PACRG: variants seen among roughly 807,000 people sequenced by gnomAD.
PACRG encodes the protein parkin coregulated, also known as parkin coregulated gene protein.
In PACRG, 29 loss-of-function variants were observed where a neutral mutation model predicts 29.7. That is an observed-to-expected ratio of 0.98 (90% confidence interval 0.73 to 1.33). PACRG has a LOEUF of 1.33. Ranked by LOEUF, PACRG falls within the 40% of genes most tolerant of loss-of-function variation. The pLI, the probability that PACRG is intolerant of heterozygous loss-of-function variation, is 0.00. For synonymous variants in PACRG, 116 were observed against 118.7 expected (o/e 0.98, Z 0.15); for missense variants, 279 against 316.2 (o/e 0.88, Z 0.89).
intron 2 of PACRG, among the ~76,000 whole-genome samples, chr6:163,006,119 A>T (rs906397839): frequency 1.4e-5 from 2 of 142,956 alleles, no homozygotes; most frequent in Non-Finnish European, 3.0e-5. Flanking sequence ...ATAGAAACAA[A>T]ACCCATATAT....
chr6:162,755,923 A>G (rs1165341784), intron 1 of PACRG, among the ~76,000 whole-genome samples: 1 of 151,782 alleles, frequency 6.6e-6, no homozygotes, highest in African/African-American at 2.4e-5. Context: ...TTCAAGGAGC[A>G]TATTGTTTAA....
intron 2 of PACRG, among the ~76,000 whole-genome samples, chr6:162,932,384 A>G (rs1437640794): frequency 6.6e-6 from 1 of 151,986 alleles, no homozygotes; most frequent in Non-Finnish European, 1.5e-5. Context: ...TTAATAGTAC[A>G]TTTTTCAATA....
chr6:162,959,037 C>T (rs974861828), intron 2 of PACRG, among the ~76,000 whole-genome samples: 23 of 150,332 alleles, frequency 1.5e-4, no homozygotes, highest in African/African-American at 2.5e-4. Context: ...CCTCAGCCTC[C>T]GGAGTAGCTG....
rs1184400981 is a variant in PACRG at position 162,947,494 on chromosome 6, C to A, written c.292-114656C>A. 9.7e-5 allele frequency among the ~76,000 whole-genome samples: 11 copies of A among 113,824 alleles called. No individual in the cohort carries two copies. In the East Asian group the frequency reaches 1.4e-3, roughly 15 times the overall value. The allele number at this position is 113,824 out of a possible 152,430, so 74.7% of individuals were successfully genotyped here. On this transcript the variant is annotated intron_variant, in intron 2 of 4. Transcript: ENST00000366888. ...TAATATATATATAATCATATATATA[C>A]TCATATATATATAATCTATATATAT...
chr6:162,799,375 A>G (rs1397854920), intron 1 of PACRG, among the ~76,000 whole-genome samples: 4 of 152,156 alleles, frequency 2.6e-5, no homozygotes, highest in African/African-American at 9.7e-5. Flanking sequence ...GGTCGAATAG[A>G]CTGTGGTGGA....
At chr6:162,835,950 T>C (rs1024261578) in intron 2 of PACRG, among the ~76,000 whole-genome samples, 1 of 152,136 alleles carries the variant, frequency 6.6e-6, no homozygotes, top group Non-Finnish European at 1.5e-5. Context: ...AATACCCTAC[T>C]TTTTTCTTCC....
At chr6:162,743,296 A>C (rs1780740693) in intron 1 of PACRG, among the ~76,000 whole-genome samples, 1 of 152,160 alleles carries the variant, frequency 6.6e-6, no homozygotes, top group Admixed American at 6.5e-5. Flanking sequence ...TTCATTGTAA[A>C]AGAGAAAAAT....
intron 4 of PACRG, among the ~76,000 whole-genome samples, chr6:163,241,434 C>T (rs945434436): frequency 9.9e-5 from 15 of 152,198 alleles, no homozygotes; most frequent in South Asian, 2.1e-4. Context: ...GTATGTAATA[C>T]GCAGCCCTTC....
At chr6:163,281,152 C>T (rs73603707) in intron 4 of PACRG, among the ~76,000 whole-genome samples, 6,243 of 151,926 alleles carry the variant, frequency 0.041, 356 homozygotes, top group African/African-American at 0.13. Context: ...TGGGCTGGAG[C>T]GGTGGAGAGG....
chr6:162,895,271 CA>C (rs35275122), intron 2 of PACRG, among the ~76,000 whole-genome samples: 2,966 of 93,546 alleles, frequency 0.032, 25 homozygotes, highest in Middle Eastern at 0.048. Flanking sequence ...CCCTCTCTCT[CA>C]AAAAAAAAAA....
intron 4 of PACRG, among the ~76,000 whole-genome samples, chr6:163,306,101 T>G (rs1262539936): frequency 2.0e-5 from 3 of 152,236 alleles, no homozygotes; most frequent in African/African-American, 7.2e-5. Flanking sequence ...AACCTCAATT[T>G]TCTCCCCTGT....
At chr6:162,821,053 G>A (rs1026637964) in intron 2 of PACRG, among the ~76,000 whole-genome samples, 2 of 152,120 alleles carry the variant, frequency 1.3e-5, no homozygotes, top group Middle Eastern at 6.8e-3. Flanking sequence ...AAAGTGTATA[G>A]CATGAAAATA....
intron 1 of PACRG, among the ~76,000 whole-genome samples, chr6:162,747,968 A>T (rs1781214279): frequency 6.6e-6 from 1 of 152,166 alleles, no homozygotes; most frequent in Admixed American, 6.5e-5. Flanking sequence ...TGGGCTAAAA[A>T]ATGATTTCAG....
chr6:163,027,770 AT>A (rs1248758147), intron 2 of PACRG, among the ~76,000 whole-genome samples: 4 of 152,220 alleles, frequency 2.6e-5, no homozygotes, highest in Non-Finnish European at 5.9e-5. Flanking sequence ...ATAAAACAGA[AT>A]GGGGAGGAAG....
intron 4 of PACRG, among the ~76,000 whole-genome samples, chr6:163,245,792 C>T (rs1782672822): frequency 1.3e-5 from 2 of 152,144 alleles, no homozygotes; most frequent in South Asian, 2.1e-4. Flanking sequence ...ACTCTTGACT[C>T]GGTCTCCGGG....
Position 162,728,275 on chromosome 6 carries a change from C to T in PACRG, c.40C>T (p.Pro14Ser), listed in dbSNP as rs1779430081. The T allele has an allele frequency of 6.2e-7, 1 of 1,614,002 alleles. No homozygotes were observed. The highest frequency in any genetic ancestry group is 8.5e-7 in the Non-Finnish European group (1 of 1,180,012). Residue 14 changes from proline to serine, a missense_variant, in exon 1 of 5, where the codon CCA becomes TCA. Physicochemically the swap from Pro to Ser is moderately conservative, Grantham distance 74 (BLOSUM62 -1). Coordinates refer to ENST00000366888, the MANE Select transcript of PACRG (RefSeq NM_001080379.2). ...EKETLSLNKC[P>S]DKMPKRTKLL... is the part of the protein sequence containing the mutation. ...AGAGACCCTGAGCTTAAACAAATGC[C>T]CAGACAAGATGCCGAAGAGGACCAA...
chr6:163,264,544 A>G (rs1783455641), intron 4 of PACRG, among the ~76,000 whole-genome samples: 1 of 152,218 alleles, frequency 6.6e-6, no homozygotes, highest in African/African-American at 2.4e-5. Flanking sequence ...GAGCGGTCAC[A>G]GGTGTGGTTG....
rs146574088 is a variant in PACRG at position 163,285,594 on chromosome 6, G to C, written c.614-29233G>C. Among the ~76,000 whole-genome samples the C allele has an allele frequency of 4.8e-3, 726 of 152,288 alleles. 7 individuals are homozygous for C. Among genetic ancestry groups the C allele is most frequent in the African/African-American group, 0.017 (697 of 41,544 alleles). On this transcript the variant is annotated intron_variant, in intron 4 of 4. Transcript: ENST00000366888. ...CAAAGGGCCCCGGAGATATTTGCCA[G>C]AGAAGCAATTAGGAAAATGGCCCAG...
chr6:162,935,718 G>C (rs927501617), intron 2 of PACRG, among the ~76,000 whole-genome samples: 1 of 151,896 alleles, frequency 6.6e-6, no homozygotes, highest in Non-Finnish European at 1.5e-5. Flanking sequence ...GAGAATTATT[G>C]TGTTCCTTTG....
Sources: allele counts gnomAD v4.1 joint callset (sites outside exome capture counted in the v4.1 genomes callset), GRCh38; gene constraint gnomAD v4.1.1; transcripts MANE v1.5; gene names NCBI Gene and HGNC (gene_info 2026-07-23, HGNC 2026-07-21).